The following DNER variants were observed in gnomAD, a reference collection of about 807,000 sequenced individuals.
DNER encodes the protein delta/notch like EGF repeat containing.
In DNER, 33 loss-of-function variants were observed where a neutral mutation model predicts 78.2. That is an observed-to-expected ratio of 0.42 (90% CI 0.32 to 0.56). The LOEUF is 0.56. DNER is among the 20% of genes least tolerant of loss of function. The pLI is 0.11. For missense variants in DNER, 918 were observed against 975.3 expected (o/e 0.94, Z 0.78); for synonymous variants, 417 against 384.8 (o/e 1.08, Z -0.98).
At chr2:229,471,354 TGA>T (rs1694921914) in intron 7 of DNER, among the ~76,000 whole-genome samples, 1 of 15,636 alleles carries the variant, frequency 6.4e-5, no homozygotes, top group Admixed American at 1.0e-3. Context: ...GGCTATAAAA[TGA>T]AAAAAAAAAA....
chr2:229,407,577 T>C (rs931679012), intron 9 of DNER, among the ~76,000 whole-genome samples: 20 of 152,206 alleles, frequency 1.3e-4, no homozygotes, highest in African/African-American at 4.8e-4. Flanking sequence ...CATAGTCTTT[T>C]ATCTGTACTT....
chr2:229,576,648 T>TG (rs1008686144), intron 4 of DNER, among the ~76,000 whole-genome samples: 1 of 152,016 alleles, frequency 6.6e-6, no homozygotes, highest in African/African-American at 2.4e-5. Flanking sequence ...AAAAGGTTTG[T>TG]GGGGGGGAAC....
intron 1 of DNER, among the ~76,000 whole-genome samples, chr2:229,608,280 T>G (rs1460042723): frequency 6.6e-6 from 1 of 152,182 alleles, no homozygotes; most frequent in African/African-American, 2.4e-5. Context: ...AAATCAAGTA[T>G]TCTTGGAGCA....
At chr2:229,448,197 T>A (rs1694379611) in intron 7 of DNER, among the ~76,000 whole-genome samples, 1 of 150,842 alleles carries the variant, frequency 6.6e-6, no homozygotes, top group African/African-American at 2.4e-5. Flanking sequence ...AAAAAAAAAA[T>A]AAGTACTGAC....
At chr2:229,371,631 G>A (rs1692484944) in intron 11 of DNER, among the ~76,000 whole-genome samples, 1 of 152,218 alleles carries the variant, frequency 6.6e-6, no homozygotes, top group Non-Finnish European at 1.5e-5. Context: ...GTTGCTCAAG[G>A]TGAGGCAGAC....
intron 11 of DNER, among the ~76,000 whole-genome samples, chr2:229,370,508 C>T (rs966352007): frequency 1.3e-5 from 2 of 152,124 alleles, no homozygotes; most frequent in Admixed American, 1.3e-4. Context: ...GAAACAGTCA[C>T]GATGGAAGGG....
chr2:229,494,648 T>G (rs757973553), intron 6 of DNER, among the ~76,000 whole-genome samples: 3 of 152,182 alleles, frequency 2.0e-5, no homozygotes, highest in Non-Finnish European at 4.4e-5. Flanking sequence ...TGTCATACCC[T>G]TAGAAACAAA....
intron 1 of DNER, among the ~76,000 whole-genome samples, chr2:229,672,675 A>C (rs1168236060): frequency 1.3e-5 from 2 of 151,438 alleles, no homozygotes; most frequent in Admixed American, 1.3e-4. Flanking sequence ...TAAGGGAGAG[A>C]TATGAGATAG....
chr2:229,533,390 C>T (rs1345445571), intron 5 of DNER, among the ~76,000 whole-genome samples: 4 of 152,146 alleles, frequency 2.6e-5, no homozygotes, highest in South Asian at 4.2e-4. Flanking sequence ...AGAGAAACTG[C>T]TGATACCTCC....
At chr2:229,688,055 C>G (rs557317614) in intron 1 of DNER, among the ~76,000 whole-genome samples, 29 of 152,372 alleles carry the variant, frequency 1.9e-4, no homozygotes, top group Admixed American at 1.8e-3. Flanking sequence ...AACCTTTCAT[C>G]TCTCATCAAA....
chr2:229,569,479 G>A (rs1697176727), intron 4 of DNER, among the ~76,000 whole-genome samples: 1 of 152,012 alleles, frequency 6.6e-6, no homozygotes, highest in African/African-American at 2.4e-5. Context: ...CCAAGATCGA[G>A]CCACTGCAAT....
chr2:229,428,987 T>C (rs922211901), intron 8 of DNER, among the ~76,000 whole-genome samples: 1 of 152,038 alleles, frequency 6.6e-6, no homozygotes, highest in African/African-American at 2.4e-5. Context: ...GAAAAACTGG[T>C]CCAGAACATG....
intron 5 of DNER, among the ~76,000 whole-genome samples, chr2:229,535,832 C>T (rs1460459527): frequency 2.6e-5 from 4 of 152,120 alleles, no homozygotes; most frequent in Middle Eastern, 3.4e-3. Flanking sequence ...TTAGTTGAGA[C>T]GGGGTTTCAC....
chr2:229,384,888 G>T (rs1366143462), intron 11 of DNER, among the ~76,000 whole-genome samples: 1 of 151,992 alleles, frequency 6.6e-6, no homozygotes, highest in Non-Finnish European at 1.5e-5. Context: ...AGAAAAGAGG[G>T]ACTCCTTCCC....
At chr2:229,580,488 C>T (rs1697372773) in intron 4 of DNER, 1 of 151,542 alleles carries the variant, frequency 6.6e-6, no homozygotes, top group Admixed American at 6.6e-5. Flanking sequence ...AAATGTGTAC[C>T]TAATAAAAGG....
At chr2:229,454,462 CTG>C (rs1345251460) in intron 7 of DNER, among the ~76,000 whole-genome samples, 1 of 151,940 alleles carries the variant, frequency 6.6e-6, no homozygotes, top group African/African-American at 2.4e-5. Flanking sequence ...ATCAAGGATC[CTG>C]TGTTTTTTTA....
chr2:229,581,291 G>A (rs561974327), intron 4 of DNER, among the ~76,000 whole-genome samples: 1 of 152,172 alleles, frequency 6.6e-6, no homozygotes, highest in South Asian at 2.1e-4. Context: ...ACTGTTTCAT[G>A]GAAATGTGAC....
chr2:229,523,759 T>C (rs1406149997), intron 5 of DNER, among the ~76,000 whole-genome samples: 2 of 152,264 alleles, frequency 1.3e-5, no homozygotes, highest in African/African-American at 4.8e-5. Flanking sequence ...CACAGATATC[T>C]GATGCTTACT....
At chr2:229,685,898 G>C (rs1022586377) in intron 1 of DNER, among the ~76,000 whole-genome samples, 1 of 152,116 alleles carries the variant, frequency 6.6e-6, no homozygotes, top group Non-Finnish European at 1.5e-5. Flanking sequence ...GTGAGGCATC[G>C]GAGGAGGGCT....
Sources: gnomAD v4.1 joint callset for allele counts (sites outside exome capture counted in the v4.1 genomes callset) on GRCh38, gnomAD v4.1.1 for gene constraint, MANE v1.5 for transcripts, NCBI Gene and HGNC (gene_info 2026-07-23, HGNC 2026-07-21) for gene names.